EVI5: variants seen among roughly 807,000 people sequenced by gnomAD.
EVI5 encodes ecotropic viral integration site 5 protein homolog.
In EVI5, 73 loss-of-function variants were observed where a neutral mutation model predicts 112.0. The ratio of observed to expected loss-of-function variants is 0.65; its 90% confidence interval spans 0.54 to 0.79. The LOEUF is 0.79. Ranked by LOEUF, EVI5 falls within the 30% of genes least tolerant of loss-of-function variation. The pLI, the probability that EVI5 is intolerant of heterozygous loss-of-function variation, is 0.00. For synonymous variants in EVI5, 305 were observed against 319.9 expected (o/e 0.95, Z 0.50); for missense variants, 900 against 968.8 (o/e 0.93, Z 0.94).
chr1:92,550,203 C>T (rs370802347), intron 19 of EVI5, among the ~76,000 whole-genome samples: 18 of 151,862 alleles, frequency 1.2e-4, no homozygotes, highest in South Asian at 4.2e-4. Flanking sequence ...TGTAGGGACA[C>T]GGATGAAGCT....
At chr1:92,522,631 C>CAAA (rs61277173) in intron 19 of EVI5, among the ~76,000 whole-genome samples, 9,839 of 70,412 alleles carry the variant, frequency 0.14, 971 homozygotes, top group Admixed American at 0.16. Flanking sequence ...ACTCCATCTC[C>CAAA]AAAAAAAAAA....
intron 1 of EVI5, among the ~76,000 whole-genome samples, chr1:92,766,242 C>T (rs1209169732): frequency 6.6e-6 from 1 of 151,616 alleles, no homozygotes; most frequent in African/African-American, 2.4e-5. Context: ...AAGTGAGGAG[C>T]TAAGCCTATT....
rs201135975 is a variant in EVI5 at position 92,513,728 on chromosome 1, G to C, written c.2409C>G (p.Thr803=). 1.1e-5 allele frequency: 17 copies of C among 1,612,884 alleles called. No homozygotes were observed. Among genetic ancestry groups the C allele is most frequent in the Non-Finnish European group, 1.4e-5 (16 of 1,179,608 alleles). Residue 803 remains threonine (T), a synonymous_variant, in exon 20 of 20, where the codon ACC becomes ACG. Transcript: ENST00000684568. ...TTTGAACCACTTGGTTGCTCTCTCT[G>C]GTCTCCAGCACACTGTCTTCTGTTT... ...ESETEDSVLE[T]RESNQVVQKE... is the part of the protein sequence containing the mutation.
chr1:92,584,353 G>A (rs1672447056), intron 18 of EVI5, among the ~76,000 whole-genome samples: 1 of 152,160 alleles, frequency 6.6e-6, no homozygotes, highest in East Asian at 1.9e-4. Context: ...CAAATTTTAA[G>A]TTCTACATTG....
At chr1:92,688,180 A>G (rs1417452628) in intron 9 of EVI5, among the ~76,000 whole-genome samples, 1 of 152,210 alleles carries the variant, frequency 6.6e-6, no homozygotes, top group Non-Finnish European at 1.5e-5. Context: ...TGGCGCATAT[A>G]CACCATGGAA....
chr1:92,711,765 T>C (rs954826690), intron 2 of EVI5, among the ~76,000 whole-genome samples: 4 of 152,238 alleles, frequency 2.6e-5, no homozygotes, highest in African/African-American at 9.6e-5. Flanking sequence ...GTGCAGCAAC[T>C]TGCCAGGTAA....
intron 9 of EVI5, among the ~76,000 whole-genome samples, chr1:92,686,900 A>C (rs550246965): frequency 1.3e-5 from 2 of 152,368 alleles, no homozygotes; most frequent in African/African-American, 4.8e-5. Context: ...GGACACAAAC[A>C]AACGGAAGAA....
At chr1:92,628,039 C>T (rs535601113) in intron 14 of EVI5, among the ~76,000 whole-genome samples, 7 of 152,196 alleles carry the variant, frequency 4.6e-5, no homozygotes, top group Non-Finnish European at 7.3e-5. Flanking sequence ...CCACCAACCT[C>T]GGCCTCCCAA....
At chr1:92,773,764 C>T (rs1176183191) in intron 1 of EVI5, 1 of 152,234 alleles carries the variant, frequency 6.6e-6, no homozygotes, top group Non-Finnish European at 1.5e-5. Context: ...GTGGCTGACG[C>T]CTGTAATCCC....
intron 18 of EVI5, among the ~76,000 whole-genome samples, chr1:92,597,779 C>A (rs989238772): frequency 6.6e-6 from 1 of 152,222 alleles, no homozygotes; most frequent in African/African-American, 2.4e-5. Context: ...AGCAACGAGG[C>A]TGTGTGCAGT....
chr1:92,583,574 A>G (rs1034218), intron 18 of EVI5, among the ~76,000 whole-genome samples: 84,871 of 147,996 alleles, frequency 0.57, 26,074 homozygotes, highest in East Asian at 0.92. Flanking sequence ...TTACATAAAG[A>G]ATACAAAGAA....
At chr1:92,662,254 G>GT (rs1664153232) in intron 13 of EVI5, among the ~76,000 whole-genome samples, 1 of 152,074 alleles carries the variant, frequency 6.6e-6, no homozygotes, top group Admixed American at 6.5e-5. Context: ...ATAGTATTTC[G>GT]TAAGACACAA....
rs1390831538 is a variant in EVI5, at chr1:92,512,944, C to G, written c.*712G>C. The G allele has an allele frequency of 2.0e-5, 3 of 151,578 alleles. No individual in the cohort carries two copies. Among genetic ancestry groups the G allele is most frequent in the African/African-American group, 4.8e-5 (2 of 41,252 alleles). The allele number at this position is 151,578 out of a possible 1,614,324, so 9.4% of individuals were successfully genotyped here. A position where few individuals can be genotyped will look rare whatever the true frequency, so the allele number is the denominator to read the frequency against. ...GGTGGATCACTTGAGGTTAGGAGTT[C>G]GAGACCAGCCCAGCCAACATGGTGA... On this transcript the variant is annotated 3_prime_UTR_variant, in exon 20 of 20. Coordinates refer to ENST00000684568, the MANE Select transcript of EVI5 (RefSeq NM_001350197.2).
chr1:92,563,845 C>A, intron 18 of EVI5, 108 bp from the exon 19 acceptor site: 1 of 542,530 alleles, frequency 1.8e-6, no homozygotes, highest in Non-Finnish European at 3.3e-6. Flanking sequence ...CTTTAATCAC[C>A]TGAATTCTGA....
intron 9 of EVI5, among the ~76,000 whole-genome samples, chr1:92,687,663 G>A (rs1668790870): frequency 6.6e-6 from 1 of 152,152 alleles, no homozygotes; most frequent in African/African-American, 2.4e-5. Context: ...CTAATATCCA[G>A]CATCTACAAA....
At chr1:92,659,786 A>G (rs547902528) in intron 13 of EVI5, among the ~76,000 whole-genome samples, 2 of 152,170 alleles carry the variant, frequency 1.3e-5, no homozygotes, top group Admixed American at 1.3e-4. Flanking sequence ...CTGTACTCAT[A>G]TATTTCTTGT....
intron 1 of EVI5, among the ~76,000 whole-genome samples, chr1:92,745,604 A>G (rs1363953483): frequency 1.3e-5 from 2 of 152,148 alleles, no homozygotes; most frequent in African/African-American, 2.4e-5. Flanking sequence ...ACTTGAGATC[A>G]AGAATTCAAG....
chr1:92,762,707 C>CATA (rs1682060087), intron 1 of EVI5, among the ~76,000 whole-genome samples: 1 of 152,120 alleles, frequency 6.6e-6, no homozygotes, highest in Non-Finnish European at 1.5e-5. Flanking sequence ...AAATTATCAA[C>CATA]ATACCACATG....
At chr1:92,587,234 A>G (rs1357754558) in intron 18 of EVI5, among the ~76,000 whole-genome samples, 1 of 152,204 alleles carries the variant, frequency 6.6e-6, no homozygotes, top group Non-Finnish European at 1.5e-5. Flanking sequence ...TATTTTCCTG[A>G]CAATTAATAT....
Sources: gnomAD v4.1 joint callset for allele counts (sites outside exome capture counted in the v4.1 genomes callset) on GRCh38, gnomAD v4.1.1 for gene constraint, MANE v1.5 for transcripts, NCBI Gene and HGNC (gene_info 2026-07-23, HGNC 2026-07-21) for gene names.